Variants in KCNK1 observed in about 807,000 individuals in gnomAD.
KCNK1 encodes the protein potassium two pore domain channel subfamily K member 1, also known as potassium channel subfamily K member 1.
A neutral mutation model predicts 22.2 loss-of-function variants in KCNK1; 10 were observed. The ratio of observed to expected loss-of-function variants is 0.45; its 90% CI spans 0.28 to 0.76. The LOEUF is 0.76. Among genes scored for constraint, KCNK1 ranks in the 30% least tolerant of loss-of-function variants. The pLI, the probability that KCNK1 is intolerant of heterozygous loss-of-function variation, is 0.14. For synonymous variants in KCNK1, 200 were observed against 186.4 expected (o/e 1.07, Z -0.60); for missense variants, 378 against 421.0 (o/e 0.90, Z 0.89).
chr1:233,669,118 GT>G (rs1406889320), intron 2 of KCNK1, among the ~76,000 whole-genome samples: 2 of 152,128 alleles, frequency 1.3e-5, no homozygotes, highest in African/African-American at 4.8e-5. Context: ...CATTAGAGAT[GT>G]TTTTTGTGTA....
intron 1 of KCNK1, among the ~76,000 whole-genome samples, chr1:233,646,692 A>G (rs1351096186): frequency 6.6e-6 from 1 of 152,170 alleles, no homozygotes; most frequent in Non-Finnish European, 1.5e-5. Context: ...AACACGGGAA[A>G]CAGACAGAAA....
At chr1:233,645,312 T>G (rs1658073459) in intron 1 of KCNK1, among the ~76,000 whole-genome samples, 1 of 152,192 alleles carries the variant, frequency 6.6e-6, no homozygotes, top group Non-Finnish European at 1.5e-5. Context: ...CTCTGGAAAC[T>G]GTGAATGTGG....
At chr1:233,636,300 G>A (rs1657894611) in intron 1 of KCNK1, among the ~76,000 whole-genome samples, 1 of 152,172 alleles carries the variant, frequency 6.6e-6, no homozygotes, top group South Asian at 2.1e-4. Context: ...TGGGAGGCTG[G>A]GGCCGATCAG....
At chr1:233,617,766 T>C (rs1287971258) in intron 1 of KCNK1, among the ~76,000 whole-genome samples, 2 of 152,102 alleles carry the variant, frequency 1.3e-5, no homozygotes, top group African/African-American at 4.8e-5. Context: ...GAGTGAGACC[T>C]CATCTCTACT....
chr1:233,619,389 G>A (rs1405440926), intron 1 of KCNK1, among the ~76,000 whole-genome samples: 1 of 152,098 alleles, frequency 6.6e-6, no homozygotes, highest in Non-Finnish European at 1.5e-5. Context: ...TTTATGAAGA[G>A]ATGCATTGAA....
intron 1 of KCNK1, among the ~76,000 whole-genome samples, chr1:233,648,757 G>A (rs1331904476): frequency 2.6e-5 from 4 of 151,974 alleles, no homozygotes; most frequent in Non-Finnish European, 5.9e-5. Context: ...AGTAGAGATG[G>A]GGTTTCACCA....
In KCNK1 at chr1:233,655,369, A is replaced by G. The variant is rs1041456918; in HGVS notation, c.356-11226A>G. On this transcript the variant is annotated intron_variant, in intron 1 of 2. Coordinates refer to ENST00000366621, the MANE Select transcript of KCNK1 (RefSeq NM_002245.4). ...ATCATACCTTGCGTCTCACCCATAT[A>G]TGATGTAGGTGCTGTTTAAATGAGA... is the stretch of plus-strand genomic sequence containing the variant. Among the ~76,000 whole-genome samples the G allele has an allele frequency of 8.9e-4, 135 of 152,134 alleles. 1 individual carries two copies. Among genetic ancestry groups the G allele is most frequent in the African/African-American group, 3.1e-3 (129 of 41,418 alleles).
At chr1:233,665,772 T>C (rs1246175749) in intron 1 of KCNK1, among the ~76,000 whole-genome samples, 1 of 152,248 alleles carries the variant, frequency 6.6e-6, no homozygotes, top group Non-Finnish European at 1.5e-5. Context: ...GAGCTACCAA[T>C]GTCCTGCTCT....
intron 1 of KCNK1, among the ~76,000 whole-genome samples, chr1:233,618,751 G>A (rs550162424): frequency 2.6e-5 from 4 of 152,122 alleles, no homozygotes; most frequent in South Asian, 2.1e-4. Context: ...TGGTGTGTTC[G>A]CATGCACCTG....
chr1:233,656,740 T>C (rs10910238), intron 1 of KCNK1, among the ~76,000 whole-genome samples: 22,115 of 152,162 alleles, frequency 0.15, 1,692 homozygotes, highest in African/African-American at 0.17. Flanking sequence ...CACCTCAGCC[T>C]CCCGAATAGC....
chr1:233,650,780 A>C (rs1658185277), intron 1 of KCNK1, among the ~76,000 whole-genome samples: 2 of 149,196 alleles, frequency 1.3e-5, no homozygotes, highest in Admixed American at 1.4e-4. Flanking sequence ...TCCCCTAAAT[A>C]AAGTCTTTCG....
chr1:233,649,457 T>C (rs186901216), intron 1 of KCNK1, among the ~76,000 whole-genome samples: 2 of 152,346 alleles, frequency 1.3e-5, no homozygotes, highest in East Asian at 3.9e-4. Flanking sequence ...GGAGATATTT[T>C]TCCTCTACTC....
At chr1:233,623,247 A>C (rs1466381360) in intron 1 of KCNK1, among the ~76,000 whole-genome samples, 1 of 151,966 alleles carries the variant, frequency 6.6e-6, no homozygotes, top group Non-Finnish European at 1.5e-5. Flanking sequence ...GCTTTATAGA[A>C]GTGAAAAGTA....
chr1:233,636,739 T>C (rs1402958359), intron 1 of KCNK1, among the ~76,000 whole-genome samples: 1 of 93,328 alleles, frequency 1.1e-5, no homozygotes, highest in Admixed American at 1.2e-4. Context: ...AGTGATGTCA[T>C]AGGAAAAACA....
intron 1 of KCNK1, among the ~76,000 whole-genome samples, chr1:233,646,534 T>TATC: frequency 7.1e-6 from 1 of 141,820 alleles, no homozygotes; most frequent in Non-Finnish European, 1.5e-5. Flanking sequence ...TTGGCACCAT[T>TATC]ATTATTATTA....
intron 1 of KCNK1, among the ~76,000 whole-genome samples, chr1:233,653,694 C>T (rs890007222): frequency 6.6e-6 from 1 of 152,150 alleles, no homozygotes; most frequent in Non-Finnish European, 1.5e-5. Flanking sequence ...CCATGGTTCT[C>T]AGGCCTTCAA....
intron 1 of KCNK1, among the ~76,000 whole-genome samples, chr1:233,663,087 C>G (rs1320583085): frequency 6.6e-6 from 1 of 152,144 alleles, no homozygotes; most frequent in African/African-American, 2.4e-5. Context: ...ATGCATTAAG[C>G]CGTCTACTGC....
intron 1 of KCNK1, among the ~76,000 whole-genome samples, chr1:233,628,719 A>G (rs1657735546): frequency 6.8e-6 from 1 of 146,326 alleles, no homozygotes; most frequent in South Asian, 2.1e-4. Flanking sequence ...AGATTGTACC[A>G]CTGCACTCCA....
At chr1:233,646,326 T>G (rs1393425390) in intron 1 of KCNK1, among the ~76,000 whole-genome samples, 1 of 152,120 alleles carries the variant, frequency 6.6e-6, no homozygotes, top group Non-Finnish European at 1.5e-5. Flanking sequence ...ATGAAATCTC[T>G]AAAGTATTTA....
Sources: gnomAD v4.1 joint callset for allele counts (sites outside exome capture counted in the v4.1 genomes callset) on GRCh38, gnomAD v4.1.1 for gene constraint, MANE v1.5 for transcripts, NCBI Gene and HGNC (gene_info 2026-07-23, HGNC 2026-07-21) for gene names.